The following PBX3 variants were observed in gnomAD, a reference collection of about 807,000 sequenced individuals.
The protein encoded by PBX3 is PBX homeobox 3.
PBX3 carries 14 observed loss-of-function variants against 48.5 expected under a neutral mutation model. The ratio of observed to expected loss-of-function variants is 0.29; its 90% CI spans 0.19 to 0.45. The LOEUF is 0.45. PBX3 is among the 20% of genes least tolerant of loss of function. The pLI is 1.00. For missense variants in PBX3, 386 were observed against 546.7 expected (o/e 0.71, Z 2.93); for synonymous variants, 210 against 200.3 (o/e 1.05, Z -0.41).
intron 2 of PBX3, among the ~76,000 whole-genome samples, chr9:125,887,673 T>C (rs1840533554): frequency 6.6e-6 from 1 of 152,190 alleles, no homozygotes; most frequent in South Asian, 2.1e-4. Flanking sequence ...GTTTTTTGTG[T>C]ATTGATCCTA....
intron 2 of PBX3, among the ~76,000 whole-genome samples, chr9:125,777,652 C>T (rs1837113219): frequency 6.6e-6 from 1 of 152,092 alleles, no homozygotes; most frequent in South Asian, 2.1e-4. Context: ...GCGTGAGCCA[C>T]CACGCCCAGC....
intron 2 of PBX3, among the ~76,000 whole-genome samples, chr9:125,899,238 AAT>A (rs1156939797): frequency 7.7e-6 from 1 of 130,446 alleles, no homozygotes; most frequent in African/African-American, 2.7e-5. Context: ...TTTATATATA[AAT>A]ATACATATGT....
chr9:125,929,986 A>G, intron 4 of PBX3, 141 bp downstream of exon 4: 1 of 656,598 alleles, frequency 1.5e-6, no homozygotes. Flanking sequence ...AATTCAACTC[A>G]TGGTTCCTGT....
At chr9:125,833,718 G>A (rs146206124) in intron 2 of PBX3, among the ~76,000 whole-genome samples, 661 of 152,194 alleles carry the variant, frequency 4.3e-3, no homozygotes, top group Non-Finnish European at 7.0e-3. Context: ...ATATGATTTC[G>A]TTCAAAGGAG....
chr9:125,875,251 T>C (rs1423257930), intron 2 of PBX3, among the ~76,000 whole-genome samples: 2 of 152,196 alleles, frequency 1.3e-5, no homozygotes, highest in Admixed American at 6.5e-5. Flanking sequence ...ATACATGTTT[T>C]GTTTTGTAAT....
Position 125,759,659 on chromosome 9 carries a change from G to A in PBX3, c.274+11036G>A, listed in dbSNP as rs1466297161. Among the ~76,000 whole-genome samples, 1 of 152,196 alleles carries A rather than the reference G, an allele frequency of 6.6e-6. No homozygotes were observed. The highest frequency in any genetic ancestry group is 1.5e-5 in the Non-Finnish European group (1 of 68,042). ...TGGGCAATGAATTAAGTGTTTTTGT[G>A]GCCCTCTCATCCGTAGCTAGGAGCA... On this transcript the variant is annotated intron_variant, in intron 2 of 8. Transcript: ENST00000373489. This position sits in a 1 kb window ranked among gnomAD's most constrained non-coding sequence, Gnocchi z 4.2.
intron 5 of PBX3, among the ~76,000 whole-genome samples, chr9:125,936,290 G>A (rs1001443054): frequency 6.6e-6 from 1 of 152,104 alleles, no homozygotes; most frequent in Non-Finnish European, 1.5e-5. Flanking sequence ...ACAAACAAGT[G>A]TACCTCTTTA....
chr9:125,803,713 T>C (rs1220836769), intron 2 of PBX3, among the ~76,000 whole-genome samples: 1 of 152,258 alleles, frequency 6.6e-6, no homozygotes, highest in African/African-American at 2.4e-5. Context: ...ATATTACTAG[T>C]CATACTAACT....
At chr9:125,795,285 A>G (rs1837746407) in intron 2 of PBX3, among the ~76,000 whole-genome samples, 1 of 152,226 alleles carries the variant, frequency 6.6e-6, no homozygotes, top group African/African-American at 2.4e-5. Flanking sequence ...AAGAGGAAGT[A>G]TCCGTGCTGT....
chr9:125,960,618 G>T (rs541172007), intron 5 of PBX3, 66 bp from the exon 6 acceptor site: 2 of 1,435,576 alleles, frequency 1.4e-6, no homozygotes, highest in South Asian at 2.4e-5. Flanking sequence ...TGTCCAGCAG[G>T]TATTATTGGA....
At chr9:125,889,946 GGCCCCGGCTGC>G (rs1489471137) in intron 2 of PBX3, among the ~76,000 whole-genome samples, 2 of 151,130 alleles carry the variant, frequency 1.3e-5, no homozygotes, top group Non-Finnish European at 3.0e-5. Context: ...CCGCGCCGGC[GGCCCCGGCTGC>G]GCCCCGCTGT....
chr9:125,756,714 G>A (rs143253716), intron 2 of PBX3, among the ~76,000 whole-genome samples: 2 of 152,300 alleles, frequency 1.3e-5, no homozygotes, highest in African/African-American at 4.8e-5. Context: ...CATGTGTGAT[G>A]CCTGTTAATG....
At chr9:125,780,059 G>T (rs1461861800) in intron 2 of PBX3, among the ~76,000 whole-genome samples, 4 of 121,016 alleles carry the variant, frequency 3.3e-5, no homozygotes, top group African/African-American at 9.1e-5. Context: ...TGGCCGGGCA[G>T]GGGGCTGACC....
chr9:125,959,549 C>A lies in PBX3; in HGVS notation c.844-1135C>A, dbSNP rs7871599. Among the ~76,000 whole-genome samples the A allele has an allele frequency of 4.6e-5, 7 of 152,186 alleles. No homozygotes were observed. In the East Asian group the frequency reaches 1.2e-3, roughly 25 times the overall value. On this transcript the variant is annotated intron_variant, in intron 5 of 8. Transcript: ENST00000373489. Reference sequence around the variant, plus strand: ...GAAGAATGGGAATTCTATTTCCAAACCAATTAAAGACTTGGCAGAGATGGT... The same window carrying A: ...GAAGAATGGGAATTCTATTTCCAAAACAATTAAAGACTTGGCAGAGATGGT...
rs934525961 is a variant in PBX3, at chr9:125,962,180, A to G, written c.1088A>G (p.Gln363Arg). The change falls in exon 7 of 9, where the codon CAA becomes CGA. Residue 363 changes from glutamine to arginine, a missense_variant. Physicochemically the swap from Gln to Arg is conservative, Grantham distance 43. This residue lies in a region of PBX3 where 127 missense variants were observed against 143.3 expected (regional missense o/e 0.89). Transcript: ENST00000373489. ...CAGAGTCTGAATGGGGATTCTTACC[A>G]AGGGTCCCAAGTCGGAGCCAATGTG... ...NMQSLNGDSY[Q>R]GSQVGANVQS... 1 of 1,612,002 alleles carries G rather than the reference A, an allele frequency of 6.2e-7. No individual in the cohort carries two copies. Among genetic ancestry groups the G allele is most frequent in the African/African-American group, 1.3e-5 (1 of 74,900 alleles).
intron 2 of PBX3, among the ~76,000 whole-genome samples, chr9:125,891,931 A>T (rs550389591): frequency 1.3e-4 from 19 of 151,978 alleles, no homozygotes; most frequent in Admixed American, 1.0e-3. Context: ...TATTTTATTA[A>T]TTTTTTTGAG....
At chr9:125,882,842 A>G (rs1840412332) in intron 2 of PBX3, among the ~76,000 whole-genome samples, 2 of 152,214 alleles carry the variant, frequency 1.3e-5, no homozygotes, top group Admixed American at 1.3e-4. Flanking sequence ...TTTAGTCGCT[A>G]TATACCCCCC....
chr9:125,909,080 A>G (rs1351622142), intron 2 of PBX3, among the ~76,000 whole-genome samples: 1 of 152,128 alleles, frequency 6.6e-6, no homozygotes, highest in East Asian at 1.9e-4. Context: ...ATGCAGCTCC[A>G]TTTAACAAAA....
At chr9:125,848,810 A>G (rs1344112342) in intron 2 of PBX3, among the ~76,000 whole-genome samples, 1 of 152,012 alleles carries the variant, frequency 6.6e-6, no homozygotes, top group African/African-American at 2.4e-5. Flanking sequence ...GTTCATACAT[A>G]ACTTGCTACC....
Sources: allele counts gnomAD v4.1 joint callset (sites outside exome capture counted in the v4.1 genomes callset), GRCh38; gene constraint gnomAD v4.1.1; regional missense constraint gnomAD v4.1.1; non-coding constraint Gnocchi (gnomAD v3.1); transcripts MANE v1.5; gene names NCBI Gene and HGNC (gene_info 2026-07-23, HGNC 2026-07-21).